DRICH1: variants seen among roughly 807,000 people sequenced by gnomAD.
The protein encoded by DRICH1 is aspartate rich 1.
In DRICH1, 38 loss-of-function variants were observed where a neutral mutation model predicts 39.5. The observed-to-expected ratio is 0.96, with a 90% CI of 0.74 to 1.26. The LOEUF (loss-of-function observed/expected upper bound fraction) is 1.26, where lower values mean the gene tolerates loss of function less well. DRICH1 is among the 50% of genes most tolerant of loss of function. DRICH1 has a pLI of 0.00. For synonymous variants in DRICH1, 84 were observed against 99.5 expected (o/e 0.84, Z 0.93); for missense variants, 279 against 270.4 (o/e 1.03, Z -0.22).
chr22:23,615,137 G>A (rs1381142856), intron 8 of DRICH1, among the ~76,000 whole-genome samples: 2 of 152,186 alleles, frequency 1.3e-5, no homozygotes, highest in African/African-American at 4.8e-5. Context: ...AGTTTGGGAG[G>A]CTGAGGTGGG....
intron 2 of DRICH1, 114 bp from the exon 3 acceptor site, chr22:23,625,018 G>A (rs758830219): frequency 1.0e-5 from 12 of 1,204,322 alleles, no homozygotes; most frequent in Non-Finnish European, 1.3e-5. Flanking sequence ...AACAGTGGTT[G>A]AGTCCATGTC....
downstream of DRICH1, among the ~76,000 whole-genome samples, chr22:23,603,784 G>A (rs561238507): frequency 3.3e-5 from 5 of 152,010 alleles, no homozygotes; most frequent in South Asian, 6.2e-4. Context: ...GTCCCCCTGC[G>A]TTTGGCCCAC....
chr22:23,583,770 C>T, the DRICH1 span: 1 of 152,610 alleles, frequency 6.6e-6, no homozygotes, highest in Non-Finnish European at 1.5e-5. Flanking sequence ...CTGTTGGGAG[C>T]CTTGGTCCAC....
At chr22:23,618,110 ATT>A (rs1927480873) in intron 6 of DRICH1, among the ~76,000 whole-genome samples, 1 of 139,238 alleles carries the variant, frequency 7.2e-6, no homozygotes, top group African/African-American at 2.6e-5. Context: ...TTGATCACAC[ATT>A]CTTTTTTTTT....
the DRICH1 span, among the ~76,000 whole-genome samples, chr22:23,600,618 A>AC: frequency 1 from 146,935 of 146,992 alleles, 73,439 homozygotes; most frequent in Middle Eastern, 1. Context: ...ACCCTCCCCT[A>AC]CCCTATGTCC....
downstream of DRICH1, among the ~76,000 whole-genome samples, chr22:23,605,814 C>A (rs1401180428): frequency 1.3e-5 from 2 of 152,186 alleles, no homozygotes; most frequent in Middle Eastern, 6.8e-3. Context: ...TAATTATGGG[C>A]TCATGCCTGT....
intron 3 of DRICH1, 85 bp from the exon 4 acceptor site, chr22:23,622,261 G>A: frequency 1.6e-6 from 2 of 1,215,958 alleles, no homozygotes; most frequent in Non-Finnish European, 2.4e-6. Context: ...GTGGTGTATG[G>A]AGGTGGTTGA....
the DRICH1 span, chr22:23,583,246 T>G: frequency 6.6e-6 from 1 of 152,006 alleles, no homozygotes; most frequent in Admixed American, 6.6e-5. Flanking sequence ...AGCTGTCAAA[T>G]CCCCTCTGGT....
the DRICH1 span, among the ~76,000 whole-genome samples, chr22:23,597,502 C>CA: frequency 0.42 from 44,440 of 105,648 alleles, 8,534 homozygotes; most frequent in East Asian, 0.57. Context: ...GACCCTGTCT[C>CA]AAAAAAAAAA....
At chr22:23,592,813 G>A in the DRICH1 span, among the ~76,000 whole-genome samples, 4 of 150,012 alleles carry the variant, frequency 2.7e-5, no homozygotes, top group Non-Finnish European at 5.9e-5. Flanking sequence ...CCAACATGGT[G>A]AAACCCTGTC....
chr22:23,586,399 G>A, the DRICH1 span, among the ~76,000 whole-genome samples: 904 of 152,264 alleles, frequency 5.9e-3, 9 homozygotes, highest in African/African-American at 0.02. Flanking sequence ...TGAGGTGGGA[G>A]GATCATCTGA....
intron 1 of DRICH1, among the ~76,000 whole-genome samples, chr22:23,629,327 C>T (rs1326569341): frequency 6.6e-6 from 1 of 152,212 alleles, no homozygotes; most frequent in Non-Finnish European, 1.5e-5. Flanking sequence ...GCATGAGCCA[C>T]CGCACCCTGC....
At chr22:23,592,212 AG>A in the DRICH1 span, among the ~76,000 whole-genome samples, 1 of 152,194 alleles carries the variant, frequency 6.6e-6, no homozygotes. Context: ...TGTCTGAGGA[AG>A]GGAATGACCC....
At chr22:23,611,834 C>G (rs1168183765) in intron 11 of DRICH1, among the ~76,000 whole-genome samples, 1 of 152,106 alleles carries the variant, frequency 6.6e-6, no homozygotes, top group Non-Finnish European at 1.5e-5. Context: ...TGTAAACAAA[C>G]CTACTGCGCT....
the DRICH1 span, among the ~76,000 whole-genome samples, chr22:23,582,622 A>G: frequency 6.7e-6 from 1 of 149,554 alleles, no homozygotes; most frequent in Non-Finnish European, 1.5e-5. Context: ...CTGAAGTGCA[A>G]TGGTGCTATC....
intron 11 of DRICH1, 99 bp from the exon 12 acceptor site, chr22:23,608,867 G>A (rs117333275): frequency 4.6e-6 from 6 of 1,309,306 alleles, no homozygotes; most frequent in Non-Finnish European, 5.4e-6. Context: ...GCATCCCTGG[G>A]CTCCCGCCTC....
chr22:23,609,578 G>GGT (rs1569086038), intron 11 of DRICH1, among the ~76,000 whole-genome samples: 1 of 152,116 alleles, frequency 6.6e-6, no homozygotes, highest in Non-Finnish European at 1.5e-5. Flanking sequence ...TGTTTGTGCA[G>GGT]GTGTCAGCAG....
chr22:23,620,606 A>G lies in DRICH1; in HGVS notation c.394T>C (p.Ser132Pro), dbSNP rs1031153550. 7 of 1,613,870 alleles carry G rather than the reference A, an allele frequency of 4.3e-6. No individual in the cohort carries two copies. In the Admixed American group the frequency reaches 5.0e-5, roughly 12 times the overall value. ...DDDDDAQILP[S>P]RVQGGCYRFD... ...TCAAGGTACATACCCTGGACACGTGACGGTAAAATCTGCAACGAGACAAAA... is the reference window on the plus strand; with the variant it reads ...TCAAGGTACATACCCTGGACACGTGGCGGTAAAATCTGCAACGAGACAAAA... Residue 132 changes from serine (S) to proline (P), a missense_variant, in exon 5 of 12, where the codon TCA becomes CCA. Ser to Pro is a moderately conservative substitution (Grantham distance 74). Coordinates refer to ENST00000317749, the MANE Select transcript of DRICH1 (RefSeq NM_016449.4).
At chr22:23,590,276 TGA>T in the DRICH1 span, among the ~76,000 whole-genome samples, 1 of 147,328 alleles carries the variant, frequency 6.8e-6, no homozygotes, top group African/African-American at 2.5e-5. Flanking sequence ...TTCAGCCCTT[TGA>T]TTTTTTTTTT....
Sources: gnomAD v4.1 joint callset for allele counts (sites outside exome capture counted in the v4.1 genomes callset) on GRCh38, gnomAD v4.1.1 for gene constraint, MANE v1.5 for transcripts, NCBI Gene and HGNC (gene_info 2026-07-23, HGNC 2026-07-21) for gene names.